GTF2F1: variants seen among roughly 807,000 people sequenced by gnomAD.
GTF2F1 encodes general transcription factor IIF subunit 1.
Under a neutral mutation model 63.5 loss-of-function variants are expected in GTF2F1, and 39 were observed. The ratio of observed to expected loss-of-function variants is 0.61; its 90% CI spans 0.48 to 0.80. The LOEUF is 0.80. GTF2F1 is among the 30% of genes least tolerant of loss of function. The probability of loss-of-function intolerance (pLI) is 0.00; values close to 1 mark genes in which losing one functional copy is unlikely to be tolerated. For synonymous variants in GTF2F1, 287 were observed against 285.3 expected, an observed-to-expected ratio of 1.01 and a Z score of -0.06; for missense variants, 657 against 718.3, an observed-to-expected ratio of 0.91 and a Z score of 0.97.
chr19:6,392,732 C>G (rs749650672), intron 2 of GTF2F1, 125 bp downstream of exon 2: 1 of 948,848 alleles, frequency 1.1e-6, no homozygotes. Context: ...CAGCCCTGCC[C>G]TCCAAGTCTC....
In GTF2F1 at chr19:6,389,636, G is replaced by A. The variant is rs767942493; in HGVS notation, c.134C>T (p.Ala45Val). ...GTTGCTCAAGTCCCGCTCCAGCCGAGCCTAGGGGAGCAGGAAGCAAAGCCT... is the reference window on the plus strand; with the variant it reads ...GTTGCTCAAGTCCCGCTCCAGCCGAACCTAGGGGAGCAGGAAGCAAAGCCT... ...DKVNFATWNQ[A>V]RLERDLSNKK... is the part of the protein sequence containing the mutation. The change falls in exon 4 of 13, where the codon GCT becomes GTT. Residue 45 changes from alanine to valine, a missense_variant and splice_region_variant. Physicochemically the swap from Ala to Val is moderately conservative, Grantham distance 64. Around this residue, in one of 2 missense-constraint regions of GTF2F1, gnomAD observed 602 missense variants for 625.6 expected, o/e 0.96. Coordinates refer to ENST00000394456, the MANE Select transcript of GTF2F1 (RefSeq NM_002096.3). 6.2e-7 allele frequency: 1 copy of A among 1,612,698 alleles called. No individual in the cohort carries two copies. Among genetic ancestry groups the A allele is most frequent in the Admixed American group, 1.7e-5 (1 of 60,024 alleles).
rs1349212223 is a variant in GTF2F1 at position 6,381,037 on chromosome 19, C to T, written c.1098G>A (p.Lys366=). Residue 366 remains lysine, a synonymous_variant, in exon 11 of 13, where the codon AAG becomes AAA. Coordinates refer to ENST00000394456, the MANE Select transcript of GTF2F1 (RefSeq NM_002096.3). The surrounding 1 kb of genome is among the most constrained non-coding windows in gnomAD (Gnocchi z 4.1). Reference sequence around the variant, plus strand: ...TCCGCTCTCTCTTGGGTGGCGTCTTCTTCTTCTGCAGAGGTCAGGGTTGGG... The same window carrying T: ...TCCGCTCTCTCTTGGGTGGCGTCTTTTTCTTCTGCAGAGGTCAGGGTTGGG... The part of the protein sequence containing the change: ...EASSALFMAK[K]KTPPKRERKP... The T allele has an allele frequency of 6.2e-7, 1 of 1,611,682 alleles. No individual in the cohort carries two copies. The highest frequency in any genetic ancestry group is 8.5e-7 in the Non-Finnish European group (1 of 1,179,186).
chr19:6,380,199 G>T lies in GTF2F1; in HGVS notation c.*82C>A. On this transcript the variant is annotated 3_prime_UTR_variant, in exon 13 of 13. Transcript: ENST00000394456. This position sits in a 1 kb window ranked among gnomAD's most constrained non-coding sequence, Gnocchi z 5.3. ...GTTCTGGAGGGCAGAGCCATGTATT[G>T]GACAGAGCCTCACTCTAGGATGGCG... 8.5e-7 allele frequency: 1 copy of T among 1,175,668 alleles called. No homozygotes were observed. The highest frequency in any genetic ancestry group is 1.3e-6 in the Non-Finnish European group (1 of 780,948). 72.8% of individuals were successfully genotyped at this position (1,175,668 alleles called of 1,614,324 possible). A position where few individuals can be genotyped will look rare whatever the true frequency, so the allele number is the denominator to read the frequency against.
chr19:6,379,824 G>C lies in GTF2F1; in HGVS notation c.*457C>G. 1 of 191,284 alleles carries C rather than the reference G, an allele frequency of 5.2e-6. No homozygotes were observed. The highest frequency in any genetic ancestry group is 1.1e-5 in the Non-Finnish European group (1 of 90,772). 11.8% of individuals were successfully genotyped at this position (191,284 alleles called of 1,614,324 possible). A position where few individuals can be genotyped will look rare whatever the true frequency, so the allele number is the denominator to read the frequency against. The stretch of plus-strand genomic sequence containing the variant: ...CACCATCATAGTTCACTGCAGCCTT[G>C]AACTGGGCTTAGCCTCCCAAGTAGC... On this transcript the variant is annotated 3_prime_UTR_variant, in exon 13 of 13. Coordinates refer to ENST00000394456, the MANE Select transcript of GTF2F1 (RefSeq NM_002096.3).
chr19:6,391,668 G>T (rs2091998698), intron 3 of GTF2F1, among the ~76,000 whole-genome samples: 2 of 151,856 alleles, frequency 1.3e-5, no homozygotes, highest in African/African-American at 4.8e-5. Context: ...GCCCAGGCTG[G>T]TCTCAAACTC....
Position 6,381,709 on chromosome 19 carries a change from G to A in GTF2F1, c.824C>T (p.Ser275Leu), listed in dbSNP as rs762872560. ...CCGTCGGCCTCACCTGGAGCCGTCT[G>A]ACATGTAGTCCACCTCTTGGCCCTC... Reference protein sequence around the residue: ...DFEGQEVDYMSDGSSSSQEEP... With the variant: ...DFEGQEVDYMLDGSSSSQEEP... The change falls in exon 7 of 13, where the codon TCA (serine) becomes TTA (leucine). Residue 275 changes from serine to leucine, a missense_variant. Ser to Leu is a moderately radical substitution (Grantham distance 145). Coordinates refer to ENST00000394456, the MANE Select transcript of GTF2F1 (RefSeq NM_002096.3). This position sits in a 1 kb window ranked among gnomAD's most constrained non-coding sequence, Gnocchi z 4.1. The A allele has an allele frequency of 6.2e-6, 10 of 1,614,194 alleles. No homozygotes were observed. In the South Asian group the frequency reaches 1.1e-4, roughly 18 times the overall value.
rs187840120 is a variant in GTF2F1 at position 6,387,611 on chromosome 19, C to A, written c.327-52G>T. 272 of 1,298,160 alleles carry A rather than the reference C, an allele frequency of 2.1e-4. 8 individuals carry two copies. Among genetic ancestry groups the A allele is most frequent in the Non-Finnish European group, 2.7e-4 (244 of 913,396 alleles). The allele number at this position is 1,298,160 out of a possible 1,614,324, so 80.4% of individuals were successfully genotyped here. A position where few individuals can be genotyped will look rare whatever the true frequency, so the allele number is the denominator to read the frequency against. On this transcript the variant is annotated intron_variant, in intron 4 of 12. Coordinates refer to ENST00000394456, the MANE Select transcript of GTF2F1 (RefSeq NM_002096.3). ...GCCCATAGGGACCAGCCCCAGCCCC[C>A]CCGTGTCCCCCCGGGGCCTGCCTCC...
At chr19:6,392,381 G>C (rs925061580) in intron 2 of GTF2F1, 1 of 477,780 alleles carries the variant, frequency 2.1e-6, no homozygotes, top group Non-Finnish European at 4.1e-6. Flanking sequence ...TCAGCCTTGG[G>C]GAGGAGGGAG....
At position 6,380,499 on chromosome 19, in the gene GTF2F1, G is replaced by A; in HGVS notation, c.1350-14C>T. ...ACCTGCACGTCGCTGAGGATGGGAG[G>A]ACGGGGAAGGTGGCATCAGTGAGAT... On this transcript the variant is annotated splice_polypyrimidine_tract_variant and intron_variant, in intron 12 of 12. Coordinates refer to ENST00000394456, the MANE Select transcript of GTF2F1 (RefSeq NM_002096.3). This position sits in a 1 kb window ranked among gnomAD's most constrained non-coding sequence, Gnocchi z 5.3. 19 of 1,613,712 alleles carry A rather than the reference G, an allele frequency of 1.2e-5. No individual in the cohort carries two copies. Among genetic ancestry groups the A allele is most frequent in the Non-Finnish European group, 1.6e-5 (19 of 1,179,652 alleles).
Position 6,387,809 on chromosome 19 carries a change from G to A in GTF2F1, c.327-250C>T, listed in dbSNP as rs536869771. On this transcript the variant is annotated intron_variant, in intron 4 of 12. Coordinates refer to ENST00000394456, the MANE Select transcript of GTF2F1 (RefSeq NM_002096.3). ...GATCATTTCTGGAAAGACTGTGTGA[G>A]ATTATCTCAGGAGAGCCCAACCCTG... Among the ~76,000 whole-genome samples, 92 of 150,914 alleles carry A rather than the reference G, an allele frequency of 6.1e-4. 2 individuals are homozygous for A. The highest frequency in any genetic ancestry group is 2.1e-3 in the African/African-American group (88 of 41,488).
Position 6,379,682 on chromosome 19 carries a change from C to A in GTF2F1, c.*599G>T. 6.5e-6 allele frequency: 1 copy of A among 154,466 alleles called. No homozygotes were observed. Among genetic ancestry groups the A allele is most frequent in the Non-Finnish European group, 1.4e-5 (1 of 69,730 alleles). 9.6% of individuals were successfully genotyped at this position (154,466 alleles called of 1,614,324 possible). A position where few individuals can be genotyped will look rare whatever the true frequency, so the allele number is the denominator to read the frequency against. On this transcript the variant is annotated 3_prime_UTR_variant, in exon 13 of 13. Transcript: ENST00000394456. ...CTCCACCTCCCAGGTTCAAGTGAATCTCGTGCCTCAGCCTACGGAACAGCT... is the reference window on the plus strand; with the variant it reads ...CTCCACCTCCCAGGTTCAAGTGAATATCGTGCCTCAGCCTACGGAACAGCT...
At chr19:6,385,728 T>A (rs2091971663) in intron 5 of GTF2F1, among the ~76,000 whole-genome samples, 1 of 152,158 alleles carries the variant, frequency 6.6e-6, no homozygotes, top group Non-Finnish European at 1.5e-5. Flanking sequence ...TTACCGGGGT[T>A]GCTTTTGGAG....
chr19:6,388,224 C>A (rs772702059), intron 4 of GTF2F1, among the ~76,000 whole-genome samples: 6 of 152,180 alleles, frequency 3.9e-5, no homozygotes, highest in Non-Finnish European at 7.3e-5. Flanking sequence ...GCCACCGCGC[C>A]CAGCCATGGC....
At position 6,381,972 on chromosome 19, in the gene GTF2F1, T is replaced by A; in HGVS notation, c.683-122A>T. 2.5e-6 allele frequency: 2 copies of A among 801,076 alleles called. No individual in the cohort carries two copies. Among genetic ancestry groups the A allele is most frequent in the South Asian group, 3.5e-5 (2 of 57,504 alleles). 49.6% of individuals were successfully genotyped at this position (801,076 alleles called of 1,614,324 possible). A position where few individuals can be genotyped will look rare whatever the true frequency, so the allele number is the denominator to read the frequency against. ...GGGGGGCCTCACTGACTGGGGAGAC[T>A]ACACCTCCAGGGCCAGCCCAGGAGC... On this transcript the variant is annotated intron_variant, in intron 6 of 12. Transcript: ENST00000394456. This position sits in a 1 kb window ranked among gnomAD's most constrained non-coding sequence, Gnocchi z 4.1.
Position 6,383,400 on chromosome 19 carries a change from C to A in GTF2F1, c.593G>T (p.Gly198Val), listed in dbSNP as rs1292370628. The A allele has an allele frequency of 1.2e-6, 2 of 1,614,240 alleles. No homozygotes were observed. Among genetic ancestry groups the A allele is most frequent in the East Asian group, 4.5e-5 (2 of 44,890 alleles). ...GCGCAGCTCGCTCGCCTTCCTGCGGCCACGTTTCTCCTTCTCCTCCTCATC... is the reference window on the plus strand; with the variant it reads ...GCGCAGCTCGCTCGCCTTCCTGCGGACACGTTTCTCCTTCTCCTCCTCATC... ...DEDEEEKEKR[G>V]RRKASELRIH... is the part of the protein sequence containing the mutation. The change falls in exon 6 of 13, where the codon GGC (glycine) becomes GTC (valine). Residue 198 changes from glycine to valine, a missense_variant. By Grantham distance (109) the Gly-to-Val change is moderately radical. Coordinates refer to ENST00000394456, the MANE Select transcript of GTF2F1 (RefSeq NM_002096.3). The surrounding 1 kb of genome is among the most constrained non-coding windows in gnomAD (Gnocchi z 4.5).
At position 6,383,918 on chromosome 19, in the gene GTF2F1, T is replaced by A. The variant is rs780498455; in HGVS notation, c.498-423A>T. Among the ~76,000 whole-genome samples the A allele has an allele frequency of 6.0e-5, 9 of 151,098 alleles. No individual in the cohort carries two copies. The highest frequency in any genetic ancestry group is 1.2e-4 in the Non-Finnish European group (8 of 67,924). ...TTCAAGCAATTCTCCTGACTCAGCC[T>A]CCCAGATAGCCGGGGTTCCAGGCGC... On this transcript the variant is annotated intron_variant, in intron 5 of 12. Coordinates refer to ENST00000394456, the MANE Select transcript of GTF2F1 (RefSeq NM_002096.3). The surrounding 1 kb of genome is among the most constrained non-coding windows in gnomAD (Gnocchi z 4.5).
rs1352512986 is a variant in GTF2F1 at position 6,387,510 on chromosome 19, T to G, written c.376A>C (p.Ile126Leu). Residue 126 changes from isoleucine to leucine, a missense_variant, in exon 5 of 13, where the codon ATC becomes CTC. By Grantham distance (5) the Ile-to-Leu change is conservative. Coordinates refer to ENST00000394456, the MANE Select transcript of GTF2F1 (RefSeq NM_002096.3). ...GGVTENTSYY[I>L]FTQCPDGAFE... ...GCCCCGTCGGGGCACTGGGTGAAGA[T>G]GTAGTAGGACGTGTTCTCTGTTACG... The G allele has an allele frequency of 6.2e-7, 1 of 1,614,164 alleles. No individual in the cohort carries two copies. The highest frequency in any genetic ancestry group is 8.5e-7 in the Non-Finnish European group (1 of 1,180,012).
At chr19:6,382,320 C>A (rs542595584) in intron 6 of GTF2F1, among the ~76,000 whole-genome samples, 2 of 152,086 alleles carry the variant, frequency 1.3e-5, no homozygotes, top group Admixed American at 1.3e-4. Flanking sequence ...GTGAGTGAGA[C>A]CCCAGTCTCT....
intron 2 of GTF2F1, 102 bp from the exon 3 acceptor site, chr19:6,392,076 C>A (rs764788442): frequency 2.9e-6 from 2 of 692,910 alleles, no homozygotes; most frequent in Non-Finnish European, 5.3e-6. Flanking sequence ...AACCACCCAA[C>A]TGGATCGTTA....
Sources: gnomAD v4.1 joint callset for allele counts (sites outside exome capture counted in the v4.1 genomes callset) on GRCh38, gnomAD v4.1.1 for gene constraint, gnomAD v4.1.1 regional missense constraint, Gnocchi (gnomAD v3.1) non-coding constraint, MANE v1.5 for transcripts, NCBI Gene and HGNC (gene_info 2026-07-23, HGNC 2026-07-21) for gene names.